KLHL32: variants seen among roughly 807,000 people sequenced by gnomAD.
The protein encoded by KLHL32 is kelch like family member 32.
In KLHL32, 35 loss-of-function variants were observed where a neutral mutation model predicts 64.8. The ratio of observed to expected loss-of-function variants is 0.54; its 90% CI spans 0.41 to 0.72. The LOEUF (loss-of-function observed/expected upper bound fraction) is 0.72. Among genes scored for constraint, KLHL32 ranks in the 30% least tolerant of loss-of-function variants. KLHL32 has a pLI of 0.00. For synonymous variants in KLHL32, 259 were observed against 281.0 expected (o/e 0.92, Z 0.78); for missense variants, 589 against 768.5 (o/e 0.77, Z 2.76).
At chr6:97,067,442 TG>T (rs747474432) in intron 5 of KLHL32, among the ~76,000 whole-genome samples, 51 of 152,250 alleles carry the variant, frequency 3.3e-4, no homozygotes, top group African/African-American at 1.1e-3. Flanking sequence ...TGCTAATTGA[TG>T]GGGGGGTGCC....
At chr6:97,067,838 G>T (rs1337955794) in intron 5 of KLHL32, among the ~76,000 whole-genome samples, 1 of 152,106 alleles carries the variant, frequency 6.6e-6, no homozygotes, top group Admixed American at 6.6e-5. Flanking sequence ...TTCATCTCCA[G>T]CCACTGTGCC....
chr6:97,060,403 G>A (rs1788681647), intron 4 of KLHL32, among the ~76,000 whole-genome samples: 1 of 152,138 alleles, frequency 6.6e-6, no homozygotes, highest in African/African-American at 2.4e-5. Context: ...AAGAAGGAGG[G>A]GCAGGGATGC....
intron 5 of KLHL32, among the ~76,000 whole-genome samples, chr6:97,066,190 A>ATC (rs1789714325): frequency 6.6e-6 from 1 of 152,238 alleles, no homozygotes; most frequent in Non-Finnish European, 1.5e-5. Context: ...GGCTTTACGC[A>ATC]TCATCACCTG....
intron 3 of KLHL32, among the ~76,000 whole-genome samples, chr6:96,988,444 T>C (rs796094560): frequency 1.3e-5 from 2 of 151,986 alleles, no homozygotes; most frequent in Admixed American, 6.5e-5. Flanking sequence ...CATTAAAAAG[T>C]CAGGAAACAA....
intron 3 of KLHL32, among the ~76,000 whole-genome samples, chr6:97,029,417 G>A (rs962220465): frequency 6.6e-6 from 1 of 152,184 alleles, no homozygotes; most frequent in African/African-American, 2.4e-5. Flanking sequence ...TGTGGTTAAG[G>A]TGAGGGAAAA....
chr6:97,125,798 CTACAT>C (rs1798809476), intron 7 of KLHL32, among the ~76,000 whole-genome samples: 1 of 152,124 alleles, frequency 6.6e-6, no homozygotes, highest in Non-Finnish European at 1.5e-5. Context: ...AGTTACCGTC[CTACAT>C]TCCCATAGAG....
intron 1 of KLHL32, among the ~76,000 whole-genome samples, chr6:96,943,503 T>G (rs73758067): frequency 0.011 from 1,636 of 152,360 alleles, 37 homozygotes; most frequent in African/African-American, 0.038. Flanking sequence ...TCACATCAGC[T>G]GTAAATCCCA....
At chr6:97,112,524 G>C (rs1583066625) in intron 6 of KLHL32, among the ~76,000 whole-genome samples, 1 of 151,500 alleles carries the variant, frequency 6.6e-6, no homozygotes, top group South Asian at 2.1e-4. Context: ...TCAGCTCACT[G>C]TAAGCTCCAC....
At chr6:97,083,432 A>G (rs1203639561) in intron 5 of KLHL32, among the ~76,000 whole-genome samples, 1 of 151,098 alleles carries the variant, frequency 6.6e-6, no homozygotes, top group Admixed American at 6.6e-5. Flanking sequence ...ACAGAGATTC[A>G]GTGACTGACC....
At chr6:96,924,065 G>C (rs1243402283), upstream of KLHL32, among the ~76,000 whole-genome samples, 1 of 152,176 alleles carries the variant, frequency 6.6e-6, no homozygotes, top group African/African-American at 2.4e-5. Context: ...TCTCAGGCTT[G>C]GGGATTTCGT....
chr6:97,090,612 C>G (rs1240280584), intron 6 of KLHL32, among the ~76,000 whole-genome samples: 1 of 152,138 alleles, frequency 6.6e-6, no homozygotes, highest in African/African-American at 2.4e-5. Flanking sequence ...ATAAATTGAC[C>G]CAAATGTACC....
At chr6:96,942,506 T>A (rs192630487) in intron 1 of KLHL32, among the ~76,000 whole-genome samples, 1 of 152,346 alleles carries the variant, frequency 6.6e-6, no homozygotes, top group African/African-American at 2.4e-5. Flanking sequence ...TCTCTGGTTA[T>A]CTTATGTGTG....
At chr6:96,958,531 G>A (rs554432063) in intron 1 of KLHL32, among the ~76,000 whole-genome samples, 1 of 152,276 alleles carries the variant, frequency 6.6e-6, no homozygotes, top group Non-Finnish European at 1.5e-5. Flanking sequence ...GAAGAAGAAG[G>A]ATCAAGTGGT....
At chr6:97,097,464 C>T (rs376943897) in intron 6 of KLHL32, among the ~76,000 whole-genome samples, 1 of 152,150 alleles carries the variant, frequency 6.6e-6, no homozygotes, top group Admixed American at 6.5e-5. Flanking sequence ...TAAATGAGAA[C>T]GTGCAGTCTT....
At chr6:97,054,204 A>G (rs1749474293) in intron 4 of KLHL32, among the ~76,000 whole-genome samples, 1 of 152,236 alleles carries the variant, frequency 6.6e-6, no homozygotes, top group Non-Finnish European at 1.5e-5. Context: ...GTTATATTCC[A>G]TTTGAGTAAA....
chr6:97,085,926 T>G (rs970346768), intron 6 of KLHL32, among the ~76,000 whole-genome samples: 1 of 152,226 alleles, frequency 6.6e-6, no homozygotes, highest in Admixed American at 6.5e-5. Context: ...GTCGCTCCCT[T>G]GTCTAGAGGA....
rs113087204 is a variant in KLHL32 at position 97,130,539 on chromosome 6, G to C, written c.1414-218G>C. On this transcript the variant is annotated intron_variant, in intron 8 of 10. Coordinates refer to ENST00000369261, the MANE Select transcript of KLHL32 (RefSeq NM_052904.4). Reference sequence around the variant, plus strand: ...TGCAACACAAACTAGAGGAGATGCCGTGTGTAAATCGCAAAAACAATTGGA... The same window carrying C: ...TGCAACACAAACTAGAGGAGATGCCCTGTGTAAATCGCAAAAACAATTGGA... Among the ~76,000 whole-genome samples, 11 of 152,252 alleles carry C rather than the reference G, an allele frequency of 7.2e-5. No individual in the cohort carries two copies. The East Asian group carries it at 1.5e-3, about 21-fold the overall frequency.
chr6:96,898,501 C>T, the KLHL32 span, among the ~76,000 whole-genome samples: 1 of 152,124 alleles, frequency 6.6e-6, no homozygotes, highest in Admixed American at 6.5e-5. Flanking sequence ...TTATTTTTTA[C>T]ATCCCGTTCT....
intron 10 of KLHL32, among the ~76,000 whole-genome samples, chr6:97,134,064 T>A (rs1054074535): frequency 6.6e-6 from 1 of 151,866 alleles, no homozygotes; most frequent in African/African-American, 2.4e-5. Context: ...ACTTATGGGT[T>A]AAAGAAGAAA....
Sources: gnomAD v4.1 joint callset for allele counts (sites outside exome capture counted in the v4.1 genomes callset) on GRCh38, gnomAD v4.1.1 for gene constraint, MANE v1.5 for transcripts, NCBI Gene and HGNC (gene_info 2026-07-23, HGNC 2026-07-21) for gene names.